Variants in TUSC3 observed in about 807,000 individuals in gnomAD.
TUSC3 encodes tumor suppressor candidate 3.
TUSC3 carries 45 observed loss-of-function variants against 44.8 expected under a neutral mutation model. The ratio of observed to expected loss-of-function variants is 1.00; its 90% CI spans 0.79 to 1.29. The LOEUF is 1.29. Among genes scored for constraint, TUSC3 ranks in the 50% most tolerant of loss-of-function variants. The pLI, the probability that TUSC3 is intolerant of heterozygous loss-of-function variation, is 0.00. For missense variants in TUSC3, 519 were observed against 437.9 expected (o/e 1.19, Z -1.65); for synonymous variants, 212 against 152.9 (o/e 1.39, Z -2.85).
chr8:15,542,016 C>T (rs1383594700), intron 1 of TUSC3, among the ~76,000 whole-genome samples: 51 of 150,118 alleles, frequency 3.4e-4, no homozygotes, highest in Non-Finnish European at 6.4e-4. Context: ...TTTTTTTTGC[C>T]AGTGTTAAGG....
At chr8:15,449,678 T>C (rs1495083) in intron 1 of TUSC3, among the ~76,000 whole-genome samples, 141,471 of 152,144 alleles carry the variant, frequency 0.93, 66,502 homozygotes, top group Non-Finnish European at 1. Flanking sequence ...TTTTCTCTGG[T>C]GTCCCTTTGA....
At chr8:15,455,948 C>A (rs1450572116) in intron 1 of TUSC3, among the ~76,000 whole-genome samples, 2 of 152,180 alleles carry the variant, frequency 1.3e-5, no homozygotes, top group African/African-American at 4.8e-5. Context: ...GAAGATAACA[C>A]TGACCTTCTG....
intron 1 of TUSC3, among the ~76,000 whole-genome samples, chr8:15,582,084 G>C (rs1160268532): frequency 6.6e-6 from 1 of 151,830 alleles, no homozygotes; most frequent in African/African-American, 2.4e-5. Flanking sequence ...AGGTGCGTCT[G>C]TCACCCCTTT....
the TUSC3 span, among the ~76,000 whole-genome samples, chr8:15,826,837 G>A: frequency 1.3e-5 from 2 of 152,078 alleles, no homozygotes; most frequent in Non-Finnish European, 2.9e-5. Context: ...CAACTAGGAG[G>A]GGGCATCTTA....
intron 1 of TUSC3, among the ~76,000 whole-genome samples, chr8:15,427,034 C>A (rs1203962668): frequency 1.3e-5 from 2 of 148,968 alleles, no homozygotes; most frequent in Non-Finnish European, 3.0e-5. Context: ...ATGTTTAAGT[C>A]TTTTACCCAT....
rs143976811 is a variant in TUSC3 at position 15,617,001 on chromosome 8, C to T, written c.139-6079C>T. 2.7e-4 allele frequency among the ~76,000 whole-genome samples: 41 copies of T among 152,234 alleles called. 1 individual carries two copies. The East Asian group carries it at 6.6e-3, about 24-fold the overall frequency. Reference sequence around the variant, plus strand: ...GCTGCTTGCTGGCCACAGAGATTTCCGGCTAGCGAAGTGGCTTTGAAAGAA... The same window carrying T: ...GCTGCTTGCTGGCCACAGAGATTTCTGGCTAGCGAAGTGGCTTTGAAAGAA... On this transcript the variant is annotated intron_variant, in intron 1 of 10. Transcript: ENST00000503731.
At chr8:15,738,366 T>C (rs980693582) in intron 7 of TUSC3, among the ~76,000 whole-genome samples, 2 of 152,134 alleles carry the variant, frequency 1.3e-5, no homozygotes, top group Admixed American at 6.5e-5. Flanking sequence ...TGGTATACAG[T>C]TTTTTTGACA....
chr8:15,574,519 A>C (rs1803014939), intron 1 of TUSC3, among the ~76,000 whole-genome samples: 1 of 151,986 alleles, frequency 6.6e-6, no homozygotes, highest in African/African-American at 2.4e-5. Context: ...TTCTATTTTT[A>C]ATCGTTAGGT....
intron 1 of TUSC3, among the ~76,000 whole-genome samples, chr8:15,473,724 G>A (rs182261639): frequency 2.4e-4 from 36 of 152,260 alleles, no homozygotes; most frequent in African/African-American, 8.4e-4. Flanking sequence ...CAGGGAGTGG[G>A]TCACAAGATC....
chr8:15,550,662 T>A (rs1191934952), intron 1 of TUSC3, among the ~76,000 whole-genome samples: 1 of 151,534 alleles, frequency 6.6e-6, no homozygotes, highest in Non-Finnish European at 1.5e-5. Flanking sequence ...GATCTTTTTT[T>A]AATTAGTTAG....
chr8:15,590,704 C>T (rs2129150154), intron 1 of TUSC3, among the ~76,000 whole-genome samples: 1 of 151,872 alleles, frequency 6.6e-6, no homozygotes, highest in Non-Finnish European at 1.5e-5. Context: ...CAGGGTTTTG[C>T]TCTGTTGCCC....
At chr8:15,509,739 G>C (rs1188197221) in intron 2 of TUSC3, among the ~76,000 whole-genome samples, 1 of 152,166 alleles carries the variant, frequency 6.6e-6, no homozygotes, top group African/African-American at 2.4e-5. Flanking sequence ...AAATGCAGAT[G>C]ATTTTGAAGC....
At chr8:15,624,417 A>G (rs1239163921) in intron 2 of TUSC3, among the ~76,000 whole-genome samples, 1 of 152,200 alleles carries the variant, frequency 6.6e-6, no homozygotes, top group Non-Finnish European at 1.5e-5. Context: ...TGGCTGTATC[A>G]TTTCACATTC....
intron 1 of TUSC3, among the ~76,000 whole-genome samples, chr8:15,609,695 A>G (rs1001237929): frequency 6.6e-6 from 1 of 152,036 alleles, no homozygotes; most frequent in African/African-American, 2.4e-5. Context: ...TCTTGATAGT[A>G]GGGTATTGTA....
At chr8:15,720,190 G>GTGTATA (rs1554481304) in intron 6 of TUSC3, among the ~76,000 whole-genome samples, 2 of 134,990 alleles carry the variant, frequency 1.5e-5, no homozygotes, top group East Asian at 4.7e-4. Context: ...TAAATATAGT[G>GTGTATA]TATATATATA....
the TUSC3 span, among the ~76,000 whole-genome samples, chr8:15,773,304 T>A: frequency 2.6e-5 from 4 of 152,304 alleles, no homozygotes; most frequent in African/African-American, 7.2e-5. Context: ...CAAAATCCAA[T>A]TGTATTTCTA....
intron 2 of TUSC3, among the ~76,000 whole-genome samples, chr8:15,641,219 G>A (rs1806351127): frequency 6.6e-6 from 1 of 152,060 alleles, no homozygotes; most frequent in African/African-American, 2.4e-5. Flanking sequence ...AAATTAGCTG[G>A]GCGCGGTGGC....
chr8:15,757,929 T>A (rs913638707), intron 10 of TUSC3, 74 bp downstream of exon 10: 54 of 1,483,974 alleles, frequency 3.6e-5, no homozygotes, highest in Non-Finnish European at 4.9e-5. Flanking sequence ...ATTTATCTCA[T>A]AAGACAAGTT....
At chr8:15,547,869 C>G (rs567536793) in intron 1 of TUSC3, among the ~76,000 whole-genome samples, 1 of 151,866 alleles carries the variant, frequency 6.6e-6, no homozygotes, top group Non-Finnish European at 1.5e-5. Context: ...TTTCAAATAT[C>G]AAACTTGGTA....
Sources: allele counts gnomAD v4.1 joint callset (sites outside exome capture counted in the v4.1 genomes callset), GRCh38; gene constraint gnomAD v4.1.1; transcripts MANE v1.5; gene names NCBI Gene and HGNC (gene_info 2026-07-23, HGNC 2026-07-21).